The following HMGN1 variants were observed in gnomAD, a reference collection of about 807,000 sequenced individuals.
The protein encoded by HMGN1 is high mobility group nucleosome binding domain 1.
In HMGN1, 9 loss-of-function variants were observed where a neutral mutation model predicts 18.4. That is an observed-to-expected ratio of 0.49 (90% CI 0.29 to 0.85). HMGN1 has a LOEUF of 0.85. Ranked by LOEUF, HMGN1 falls within the 40% of genes least tolerant of loss-of-function variation. The probability of loss-of-function intolerance (pLI) is 0.07; values close to 1 mark genes in which losing one functional copy is unlikely to be tolerated. For synonymous variants in HMGN1, 59 were observed against 45.0 expected (o/e 1.31, Z -1.24); for missense variants, 151 against 119.2 (o/e 1.27, Z -1.24).
At position 39,345,905 on chromosome 21, in the gene HMGN1, G is replaced by C. The variant is rs1321396730; in HGVS notation, c.127-631C>G. The stretch of plus-strand genomic sequence containing the variant: ...TAATCCCTTCATATCATATAATGAG[G>C]AACTAAAAGGATCAGTTTTGAATTT... On this transcript the variant is annotated intron_variant, in intron 4 of 5. Coordinates refer to ENST00000380749, the MANE Select transcript of HMGN1 (RefSeq NM_004965.7). 3 of 1,301,462 alleles carry C rather than the reference G, an allele frequency of 2.3e-6. No individual in the cohort carries two copies. The African/African-American group carries it at 4.6e-5, about 20-fold the overall frequency. 80.6% of individuals were successfully genotyped at this position (1,301,462 alleles called of 1,614,324 possible).
At chr21:39,347,536 T>G (rs1425936276) in intron 4 of HMGN1, 7 of 599,440 alleles carry the variant, frequency 1.2e-5, no homozygotes, top group South Asian at 9.1e-5. Flanking sequence ...AGACTTCAAA[T>G]AGCAAACTCT....
intron 1 of HMGN1, 51 bp from the exon 2 acceptor site, chr21:39,348,628 G>C (rs748112015): frequency 2.6e-6 from 4 of 1,519,906 alleles, no homozygotes; most frequent in Admixed American, 2.3e-5. Flanking sequence ...CCCAGGACTC[G>C]CGGGCCCGCC....
At position 39,343,103 on chromosome 21, in the gene HMGN1, A is replaced by G. The variant is rs2036919485; in HGVS notation, c.*9T>C. 8 of 1,489,546 alleles carry G rather than the reference A, an allele frequency of 5.4e-6. No individual in the cohort carries two copies. The highest frequency in any genetic ancestry group is 6.5e-6 in the Non-Finnish European group (7 of 1,071,240). The allele number at this position is 1,489,546 out of a possible 1,614,324, so 92.3% of individuals were successfully genotyped here. A position where few individuals can be genotyped will look rare whatever the true frequency, so the allele number is the denominator to read the frequency against. ...ACAGGGACCACTGATAAGACATGGT[A>G]TATGGTTATTAATCAGACTTGGCTT... On this transcript the variant is annotated 3_prime_UTR_variant, in exon 6 of 6. Transcript: ENST00000380749.
intron 4 of HMGN1, chr21:39,347,406 AT>A: frequency 8.0e-7 from 1 of 1,244,272 alleles, no homozygotes; most frequent in Non-Finnish European, 1.0e-6. Flanking sequence ...AAATTTAGTA[AT>A]TATCCAACAA....
At chr21:39,346,917 C>T (rs1263918155) in intron 4 of HMGN1, 1 of 152,222 alleles carries the variant, frequency 6.6e-6, no homozygotes, top group Non-Finnish European at 1.5e-5. Context: ...GTCCCAAACC[C>T]ACTGAGAGTA....
At position 39,343,022 on chromosome 21, in the gene HMGN1, C is replaced by T. The variant is rs557186954; in HGVS notation, c.*90G>A. On this transcript the variant is annotated 3_prime_UTR_variant, in exon 6 of 6. Transcript: ENST00000380749. ...AAATGTTTCTAGAGCTACTAAAAAACTTGCATTTACAAAATAGTTGATAAA... is the reference window on the plus strand; with the variant it reads ...AAATGTTTCTAGAGCTACTAAAAAATTTGCATTTACAAAATAGTTGATAAA... 383 of 1,287,810 alleles carry T rather than the reference C, an allele frequency of 3.0e-4. 1 individual carries two copies. In the Admixed American group the frequency reaches 6.4e-3, roughly 21 times the overall value. 79.8% of individuals were successfully genotyped at this position (1,287,810 alleles called of 1,614,324 possible). A position where few individuals can be genotyped will look rare whatever the true frequency, so the allele number is the denominator to read the frequency against.
intron 1 of HMGN1, 157 bp from the exon 2 acceptor site, chr21:39,348,734 G>C (rs1401354579): frequency 9.0e-7 from 1 of 1,117,178 alleles, no homozygotes. Flanking sequence ...AAACGTTCCA[G>C]AACGCCCGCC....
chr21:39,345,746 T>G (rs1180937485), intron 4 of HMGN1: 1 of 1,023,794 alleles, frequency 9.8e-7, no homozygotes, highest in Admixed American at 2.3e-5. Flanking sequence ...TCGTCGACCG[T>G]ATTCCCACCC....
intron 4 of HMGN1, chr21:39,347,907 A>T: frequency 9.6e-7 from 1 of 1,042,706 alleles, no homozygotes; most frequent in Non-Finnish European, 1.2e-6. Context: ...TGTATATATA[A>T]AAACTTACAC....
At chr21:39,347,543 C>A (rs2037099126) in intron 4 of HMGN1, 3 of 562,814 alleles carry the variant, frequency 5.3e-6, no homozygotes, top group Non-Finnish European at 9.5e-6. Context: ...AAATAGCAAA[C>A]TCTCACCTAA....
intron 5 of HMGN1, among the ~76,000 whole-genome samples, chr21:39,343,857 G>GT (rs1204111080): frequency 2.6e-5 from 4 of 152,172 alleles, no homozygotes; most frequent in African/African-American, 9.7e-5. Flanking sequence ...GAAACCAACT[G>GT]TAATTTGATA....
chr21:39,344,351 G>A (rs1354412558), intron 5 of HMGN1, among the ~76,000 whole-genome samples: 1 of 151,304 alleles, frequency 6.6e-6, no homozygotes, highest in Non-Finnish European at 1.5e-5. Context: ...GGAATAAGTA[G>A]TTTATAACTT....
At chr21:39,347,356 G>C in intron 4 of HMGN1, 1 of 1,077,764 alleles carries the variant, frequency 9.3e-7, no homozygotes, top group Non-Finnish European at 1.2e-6. Context: ...AATTAAAAAA[G>C]AAAAAACATC....
intron 4 of HMGN1, chr21:39,345,831 T>C (rs1371099502): frequency 7.7e-7 from 1 of 1,300,404 alleles, no homozygotes; most frequent in African/African-American, 1.5e-5. Flanking sequence ...ACCAATCACC[T>C]GAAAAAAAGC....
At chr21:39,348,670 G>C in intron 1 of HMGN1, 93 bp from the exon 2 acceptor site, 1 of 1,416,912 alleles carries the variant, frequency 7.1e-7, no homozygotes, top group South Asian at 1.3e-5. Context: ...GCCGCGTGAC[G>C]TCACGGCTTC....
rs2037179211 is a variant in HMGN1, at chr21:39,349,079, A to AGAACCGGATG, written c.-163_-162insCATCCGGTTC. 2 of 810,114 alleles carry AGAACCGGATG rather than the reference A, an allele frequency of 2.5e-6. No homozygotes were observed. The highest frequency in any genetic ancestry group is 3.2e-6 in the Non-Finnish European group (2 of 621,468). The allele number at this position is 810,114 out of a possible 1,614,324, so 50.2% of individuals were successfully genotyped here. On this transcript the variant is annotated 5_prime_UTR_variant, in exon 1 of 6. Transcript: ENST00000380749. ...TGAGACCCACAGCGGGGGCGGTGGG[A>AGAACCGGATG]GAACCGGATGGAACCGGATTGGGAG...
chr21:39,345,400 A>T, intron 4 of HMGN1, 126 bp from the exon 5 acceptor site: 1 of 843,636 alleles, frequency 1.2e-6, no homozygotes, highest in Non-Finnish European at 1.9e-6. Flanking sequence ...GTAAGGTTTG[A>T]GAGAGGGACA....
intron 4 of HMGN1, chr21:39,347,013 A>T (rs1185963190): frequency 1.8e-4 from 28 of 152,444 alleles, no homozygotes; most frequent in Admixed American, 1.8e-3. Context: ...AACAAGAAAA[A>T]TGTAAAGAGG....
rs2036893261 is a variant in HMGN1 at position 39,342,409 on chromosome 21, CATGT to C, written c.*699_*702del. The C allele has an allele frequency of 5.5e-6, 1 of 183,258 alleles. No homozygotes were observed. The highest frequency in any genetic ancestry group is 2.4e-5 in the African/African-American group (1 of 41,532). The allele number at this position is 183,258 out of a possible 1,614,324, so 11.4% of individuals were successfully genotyped here. ...CATACGTAACGAAATTCTAAAAAGC[CATGT>C]ATTGTAATTCTTTTTTAAAGTTATT... On this transcript the variant is annotated 3_prime_UTR_variant, in exon 6 of 6. Transcript: ENST00000380749.
Sources: gnomAD v4.1 joint callset for allele counts (sites outside exome capture counted in the v4.1 genomes callset) on GRCh38, gnomAD v4.1.1 for gene constraint, MANE v1.5 for transcripts, NCBI Gene and HGNC (gene_info 2026-07-23, HGNC 2026-07-21) for gene names.